UBE4B: variants seen among roughly 807,000 people sequenced by gnomAD.
The protein encoded by UBE4B is ubiquitination factor E4B, also known as ubiquitin conjugation factor E4 B.
A neutral mutation model predicts 148.1 loss-of-function variants in UBE4B; 27 were observed. That is an observed-to-expected ratio of 0.18 (90% CI 0.13 to 0.25). UBE4B has a LOEUF of 0.25. Ranked by LOEUF, UBE4B falls within the 10% of genes least tolerant of loss-of-function variation. The pLI, the probability that UBE4B is intolerant of heterozygous loss-of-function variation, is 1.00. For missense variants in UBE4B, 1,170 were observed against 1,662.4 expected (o/e 0.70, Z 5.15); for synonymous variants, 596 against 619.3 (o/e 0.96, Z 0.56).
In UBE4B at chr1:10,126,805, C is replaced by T; in HGVS notation, c.1566C>T (p.Pro522=). ...DEEVFKQIFI[P]ILQGLALAAK... ...TTTTTTTCTTATAGATATTTATCCC[C>T]ATTTTACAAGGCCTGGCTCTTGCTG... is the stretch of plus-strand genomic sequence containing the variant. The change falls in exon 11 of 28, where the codon CCC becomes CCT. Residue 522 remains proline, a synonymous_variant. Transcript: ENST00000343090. The T allele has an allele frequency of 6.2e-7, 1 of 1,613,698 alleles. No homozygotes were observed. Among genetic ancestry groups the T allele is most frequent in the Non-Finnish European group, 8.5e-7 (1 of 1,179,708 alleles).
chr1:10,082,168 G>T (rs1000420374), intron 2 of UBE4B, among the ~76,000 whole-genome samples: 1 of 152,020 alleles, frequency 6.6e-6, no homozygotes. Context: ...AGGTTCTGTT[G>T]TAGGCTATGT....
chr1:10,174,973 T>A (rs1294384268), intron 25 of UBE4B, among the ~76,000 whole-genome samples: 2 of 152,130 alleles, frequency 1.3e-5, no homozygotes, highest in South Asian at 2.1e-4. Context: ...TTTGGTTTGG[T>A]ATGTCTTGTT....
chr1:10,090,519 G>C (rs1483475394), intron 2 of UBE4B, among the ~76,000 whole-genome samples: 1 of 152,186 alleles, frequency 6.6e-6, no homozygotes. Flanking sequence ...ATCTGTAAAA[G>C]AGGAGGGAAG....
At chr1:10,066,092 C>T (rs1644383253) in intron 1 of UBE4B, among the ~76,000 whole-genome samples, 1 of 145,208 alleles carries the variant, frequency 6.9e-6, no homozygotes, top group Non-Finnish European at 1.5e-5. Context: ...TTCGTACCTC[C>T]CTCCCTTTGT....
intron 11 of UBE4B, 161 bp from the exon 12 acceptor site, chr1:10,129,231 A>G: frequency 2.0e-6 from 1 of 510,036 alleles, no homozygotes; most frequent in East Asian, 2.8e-5. Flanking sequence ...TAGTTTATTA[A>G]TCAGAAAAAG....
chr1:10,123,570 TA>T (rs1645445414), intron 10 of UBE4B, among the ~76,000 whole-genome samples: 1 of 152,062 alleles, frequency 6.6e-6, no homozygotes, highest in South Asian at 2.1e-4. Context: ...TCTCTCTATA[TA>T]AAATCAGCCC....
At chr1:10,126,984 A>G in intron 11 of UBE4B, 107 bp downstream of exon 11, 1 of 996,334 alleles carries the variant, frequency 1.0e-6, no homozygotes, top group Non-Finnish European at 1.5e-6. Context: ...TTGTTTTCAA[A>G]TTTAAAACAT....
At chr1:10,036,561 C>T (rs1320038651) in intron 1 of UBE4B, among the ~76,000 whole-genome samples, 2 of 151,922 alleles carry the variant, frequency 1.3e-5, no homozygotes, top group South Asian at 2.1e-4. Flanking sequence ...TCTCAAACTC[C>T]TGACCTCAAG....
intron 14 of UBE4B, among the ~76,000 whole-genome samples, chr1:10,131,438 TCAC>T (rs1645591551): frequency 6.6e-6 from 1 of 151,840 alleles, no homozygotes; most frequent in Non-Finnish European, 1.5e-5. Flanking sequence ...TGAGCCAAGA[TCAC>T]GCCACTGCAC....
rs377457479 is a variant in UBE4B at position 10,067,109 on chromosome 1, A to G, written c.25-4919A>G. Among the ~76,000 whole-genome samples, 88 of 152,308 alleles carry G rather than the reference A, an allele frequency of 5.8e-4. 1 individual carries two copies. Among genetic ancestry groups the G allele is most frequent in the African/African-American group, 1.9e-3 (77 of 41,578 alleles). Reference sequence around the variant, plus strand: ...TTTTTCCCCACAAACTGCTAAAAATAAGAGGAACAGTTTGGCCCATCCTGT... The same window carrying G: ...TTTTTCCCCACAAACTGCTAAAAATGAGAGGAACAGTTTGGCCCATCCTGT... On this transcript the variant is annotated intron_variant, in intron 1 of 27. Coordinates refer to ENST00000343090, the MANE Select transcript of UBE4B (RefSeq NM_001105562.3).
intron 11 of UBE4B, chr1:10,128,242 C>T (rs1018831144): frequency 2.0e-5 from 3 of 152,188 alleles, no homozygotes; most frequent in Admixed American, 6.5e-5. Context: ...GAGCTTTTAG[C>T]ATCTGATATC....
At position 10,106,146 on chromosome 1, in the gene UBE4B, A is replaced by G. The variant is rs1336749262; in HGVS notation, c.810-51A>G. 1 of 1,516,738 alleles carries G rather than the reference A, an allele frequency of 6.6e-7. No homozygotes were observed. Among genetic ancestry groups the G allele is most frequent in the Non-Finnish European group, 8.8e-7 (1 of 1,131,622 alleles). 94.0% of individuals were successfully genotyped at this position (1,516,738 alleles called of 1,614,324 possible). A position where few individuals can be genotyped will look rare whatever the true frequency, so the allele number is the denominator to read the frequency against. The stretch of plus-strand genomic sequence containing the variant: ...ATTTTCTGTTTTAGTTAGTTATCTC[A>G]AGTTTTTCTTTGATTTTTCTCTTCT... On this transcript the variant is annotated intron_variant, in intron 6 of 27. Transcript: ENST00000343090. This position sits in a 1 kb window ranked among gnomAD's most constrained non-coding sequence, Gnocchi z 4.2.
intron 1 of UBE4B, among the ~76,000 whole-genome samples, chr1:10,058,317 T>C (rs1644217908): frequency 6.6e-6 from 1 of 152,172 alleles, no homozygotes; most frequent in Non-Finnish European, 1.5e-5. Context: ...AAAATGAGAT[T>C]GCAGGGTGAC....
Position 10,132,389 on chromosome 1 carries a change from G to A in UBE4B, c.1932G>A (p.Leu644=), listed in dbSNP as rs1645610375. The A allele has an allele frequency of 6.2e-7, 1 of 1,613,858 alleles. No homozygotes were observed. Among genetic ancestry groups the A allele is most frequent in the African/African-American group, 1.3e-5 (1 of 75,038 alleles). Residue 644 remains leucine, a synonymous_variant, in exon 15 of 28, where the codon CTG becomes CTA. Coordinates refer to ENST00000343090, the MANE Select transcript of UBE4B (RefSeq NM_001105562.3). ...TTCAGCAAGAGCTTTTTAAGATTCT[G>A]CATAGTATTTTGTTAAATGGCGAAA... is the stretch of plus-strand genomic sequence containing the variant. ...ELGRQELFKI[L]HSILLNGETR...
chr1:10,060,112 G>A (rs1031961077), intron 1 of UBE4B, among the ~76,000 whole-genome samples: 1 of 151,730 alleles, frequency 6.6e-6, no homozygotes, highest in South Asian at 2.1e-4. Context: ...AAAGGTTGGG[G>A]GTAGATGAAT....
At chr1:10,046,769 T>G (rs1643921314) in intron 1 of UBE4B, among the ~76,000 whole-genome samples, 1 of 152,248 alleles carries the variant, frequency 6.6e-6, no homozygotes. Context: ...TCCAGCTTGC[T>G]TCTTGTGGAT....
chr1:10,141,470 A>G (rs1233741668), intron 17 of UBE4B, among the ~76,000 whole-genome samples: 1 of 152,144 alleles, frequency 6.6e-6, no homozygotes, highest in African/African-American at 2.4e-5. Flanking sequence ...TCCAGAAGGA[A>G]CCATCCCTGC....
At chr1:10,152,797 CAAAAA>C (rs928759406) in intron 21 of UBE4B, among the ~76,000 whole-genome samples, 1 of 148,800 alleles carries the variant, frequency 6.7e-6, no homozygotes, top group Admixed American at 6.7e-5. Flanking sequence ...GACTCCGTCT[CAAAAA>C]AGAAAAAAAA....
rs972837799 is a variant in UBE4B, at chr1:10,168,751, G to A, written c.3333+481G>A. Reference sequence around the variant, plus strand: ...ACTAAAAGTACAAAAAATTAGCTGGGCGTGGTGGTGGGCACCTGTAGTCCC... The same window carrying A: ...ACTAAAAGTACAAAAAATTAGCTGGACGTGGTGGTGGGCACCTGTAGTCCC... On this transcript the variant is annotated intron_variant, in intron 24 of 27. Coordinates refer to ENST00000343090, the MANE Select transcript of UBE4B (RefSeq NM_001105562.3). This position sits in a 1 kb window ranked among gnomAD's most constrained non-coding sequence, Gnocchi z 4.9. 2.0e-5 allele frequency among the ~76,000 whole-genome samples: 3 copies of A among 152,082 alleles called. No homozygotes were observed. Among genetic ancestry groups the A allele is most frequent in the African/African-American group, 7.2e-5 (3 of 41,400 alleles).
Sources: gnomAD v4.1 joint callset for allele counts (sites outside exome capture counted in the v4.1 genomes callset) on GRCh38, gnomAD v4.1.1 for gene constraint, Gnocchi (gnomAD v3.1) non-coding constraint, MANE v1.5 for transcripts, NCBI Gene and HGNC (gene_info 2026-07-23, HGNC 2026-07-21) for gene names.